DENND6A: variants seen among roughly 807,000 people sequenced by gnomAD.
The protein encoded by DENND6A is DENN domain containing 6A.
Under a neutral mutation model 95.5 loss-of-function variants are expected in DENND6A, and 43 were observed. That is an observed-to-expected ratio of 0.45 (90% CI 0.35 to 0.58). The LOEUF (loss-of-function observed/expected upper bound fraction) is 0.58. Ranked by LOEUF, DENND6A falls within the 20% of genes least tolerant of loss-of-function variation. The pLI is 0.00. For missense variants in DENND6A, 574 were observed against 736.0 expected, an observed-to-expected ratio of 0.78 and a Z score of 2.55; for synonymous variants, 257 against 260.4, an observed-to-expected ratio of 0.99 and a Z score of 0.13.
At chr3:57,675,245 AG>A (rs1199094074) in intron 1 of DENND6A, among the ~76,000 whole-genome samples, 1 of 152,232 alleles carries the variant, frequency 6.6e-6, no homozygotes, top group Admixed American at 6.5e-5. Flanking sequence ...AGGTAAAAAA[AG>A]TTTTTGGTTT....
intron 1 of DENND6A, among the ~76,000 whole-genome samples, chr3:57,673,336 T>C (rs968915815): frequency 2.0e-5 from 3 of 150,688 alleles, no homozygotes; most frequent in East Asian, 1.9e-4. Context: ...AAATATCACA[T>C]GTTCTCACTC....
Position 57,663,629 on chromosome 3 carries a change from CA to C in DENND6A, c.513+6del. Reference sequence around the variant, plus strand: ...ATACTTTTTTTATTAGTGTGTATGACAATTACCTTCTGAAAGTAGCCTCTTT... The same window carrying C: ...ATACTTTTTTTATTAGTGTGTATGACATTACCTTCTGAAAGTAGCCTCTTT... On this transcript the variant is annotated splice_donor_region_variant and intron_variant, in intron 5 of 19. Coordinates refer to ENST00000311128, the MANE Select transcript of DENND6A (RefSeq NM_152678.3). The C allele has an allele frequency of 3.2e-6, 5 of 1,582,786 alleles. No homozygotes were observed. The highest frequency in any genetic ancestry group is 4.3e-6 in the Non-Finnish European group (5 of 1,162,554).
intron 9 of DENND6A, 49 bp downstream of exon 9, chr3:57,657,631 C>A: frequency 8.1e-7 from 1 of 1,236,388 alleles, no homozygotes; most frequent in Non-Finnish European, 1.2e-6. Flanking sequence ...ATTAACACCA[C>A]CACCACAAAG....
intron 9 of DENND6A, chr3:57,654,722 G>A: frequency 1.0e-6 from 1 of 985,196 alleles, no homozygotes; most frequent in South Asian, 4.7e-5. Flanking sequence ...CCATGGAATA[G>A]ACCTTGACCT....
chr3:57,677,021 A>C (rs949991944), intron 1 of DENND6A, among the ~76,000 whole-genome samples: 1 of 152,104 alleles, frequency 6.6e-6, no homozygotes, highest in Non-Finnish European at 1.5e-5. Flanking sequence ...ACAGGGTTTC[A>C]CCATGTTGGC....
chr3:57,662,297 C>G lies in DENND6A; in HGVS notation c.514-746G>C, dbSNP rs372388617. Among the ~76,000 whole-genome samples the G allele has an allele frequency of 1.2e-4, 17 of 140,940 alleles. No homozygotes were observed. In the South Asian group the frequency reaches 2.3e-3, roughly 19 times the overall value. The allele number at this position is 140,940 out of a possible 152,430, so 92.5% of individuals were successfully genotyped here. On this transcript the variant is annotated intron_variant, in intron 5 of 19. Coordinates refer to ENST00000311128, the MANE Select transcript of DENND6A (RefSeq NM_152678.3). ...CCTCAACCTCATGGGCTCAGGTGATCCTCCGACCTCAGCCTCCTGAGTAGC... is the reference window on the plus strand; with the variant it reads ...CCTCAACCTCATGGGCTCAGGTGATGCTCCGACCTCAGCCTCCTGAGTAGC...
At chr3:57,662,859 C>T (rs1392310445) in intron 5 of DENND6A, among the ~76,000 whole-genome samples, 2 of 151,892 alleles carry the variant, frequency 1.3e-5, no homozygotes, top group African/African-American at 2.4e-5. Context: ...TGGCTCATGC[C>T]TGTAATCCCA....
chr3:57,644,592 G>C (rs1183599980), intron 11 of DENND6A, among the ~76,000 whole-genome samples: 2 of 149,626 alleles, frequency 1.3e-5, no homozygotes, highest in East Asian at 2.0e-4. Context: ...ACAGGCATGG[G>C]CCATCACGAC....
At chr3:57,657,358 C>G (rs2071347117) in intron 9 of DENND6A, among the ~76,000 whole-genome samples, 1 of 152,098 alleles carries the variant, frequency 6.6e-6, no homozygotes, top group Admixed American at 6.6e-5. Flanking sequence ...AAATAGAACA[C>G]AAACATCATG....
At chr3:57,683,724 C>T (rs947945770) in intron 1 of DENND6A, among the ~76,000 whole-genome samples, 1 of 152,164 alleles carries the variant, frequency 6.6e-6, no homozygotes, top group Non-Finnish European at 1.5e-5. Context: ...CATTTCACAT[C>T]TTCTTTGCTT....
At chr3:57,645,315 G>T (rs1446303589) in intron 11 of DENND6A, among the ~76,000 whole-genome samples, 1 of 151,972 alleles carries the variant, frequency 6.6e-6, no homozygotes, top group Non-Finnish European at 1.5e-5. Context: ...ACAAAAATTA[G>T]CCGGGCGTGG....
chr3:57,632,448 G>A (rs1575812801), intron 15 of DENND6A, among the ~76,000 whole-genome samples: 1 of 151,882 alleles, frequency 6.6e-6, no homozygotes, highest in East Asian at 1.9e-4. Context: ...GCCTCCCAAA[G>A]TGGCAGGCCT....
chr3:57,646,209 G>A, intron 10 of DENND6A, 107 bp downstream of exon 10: 2 of 1,444,584 alleles, frequency 1.4e-6, no homozygotes, highest in Non-Finnish European at 1.9e-6. Flanking sequence ...ATGCAATAAT[G>A]GGTGGGGAAA....
chr3:57,669,494 T>C lies in DENND6A; in HGVS notation c.319+2762A>G, dbSNP rs530742544. ...ACTTTGGGAGGCGGAGGTGAGCGGA[T>C]CACAAGGTCAGGAGATCAAGACCAT... On this transcript the variant is annotated intron_variant, in intron 3 of 19. Coordinates refer to ENST00000311128, the MANE Select transcript of DENND6A (RefSeq NM_152678.3). Among the ~76,000 whole-genome samples the C allele has an allele frequency of 3.6e-4, 54 of 150,512 alleles. 1 individual carries two copies. Among genetic ancestry groups the C allele is most frequent in the Non-Finnish European group, 5.9e-5 (4 of 67,594 alleles).
chr3:57,674,050 G>A lies in DENND6A; in HGVS notation c.238-1612C>T, dbSNP rs564771350. On this transcript the variant is annotated intron_variant, in intron 1 of 19. Coordinates refer to ENST00000311128, the MANE Select transcript of DENND6A (RefSeq NM_152678.3). ...CTCCCAAAGTGCTGGGATTTCAGGC[G>A]TGAGCCACCGTGCCCAGTCAAGAAT... 1.1e-3 allele frequency among the ~76,000 whole-genome samples: 161 copies of A among 152,092 alleles called. 1 individual carries two copies. Among genetic ancestry groups the A allele is most frequent in the Non-Finnish European group, 1.9e-3 (129 of 67,988 alleles).
At position 57,630,405 on chromosome 3, in the gene DENND6A, CA is replaced by C; in HGVS notation, c.1620+15del. On this transcript the variant is annotated intron_variant, in intron 18 of 19. Coordinates refer to ENST00000311128, the MANE Select transcript of DENND6A (RefSeq NM_152678.3). ...CAACAGTTGTTAATCATTACACAAA[CA>C]CACAGTTTTCGAACCTCTTCACAAA... is the stretch of plus-strand genomic sequence containing the variant. 3.8e-6 allele frequency: 6 copies of C among 1,566,602 alleles called. No individual in the cohort carries two copies. Among genetic ancestry groups the C allele is most frequent in the Non-Finnish European group, 4.3e-6 (5 of 1,164,956 alleles).
At chr3:57,632,130 CT>C (rs897344003) in intron 15 of DENND6A, among the ~76,000 whole-genome samples, 104 of 151,610 alleles carry the variant, frequency 6.9e-4, no homozygotes, top group Admixed American at 2.3e-3. Flanking sequence ...AGTGATTCTC[CT>C]GCCTCAGCCT....
chr3:57,629,528 T>A (rs921604685), intron 18 of DENND6A, among the ~76,000 whole-genome samples: 1 of 148,042 alleles, frequency 6.8e-6, no homozygotes, highest in African/African-American at 2.5e-5. Flanking sequence ...TTTTTTTTTT[T>A]TGAGACGGAG....
intron 1 of DENND6A, among the ~76,000 whole-genome samples, chr3:57,685,062 C>T (rs9870559): frequency 0.074 from 11,244 of 151,786 alleles, 1,423 homozygotes; most frequent in African/African-American, 0.26. Context: ...TACAGGTATG[C>T]GCCACCATGC....
Sources: gnomAD v4.1 joint callset for allele counts (sites outside exome capture counted in the v4.1 genomes callset) on GRCh38, gnomAD v4.1.1 for gene constraint, MANE v1.5 for transcripts, NCBI Gene and HGNC (gene_info 2026-07-23, HGNC 2026-07-21) for gene names.